ARHGAP26: variants seen among roughly 807,000 people sequenced by gnomAD.
The protein encoded by ARHGAP26 is rho GTPase-activating protein 26.
Under a neutral mutation model 104.8 loss-of-function variants are expected in ARHGAP26, and 38 were observed. The observed-to-expected ratio is 0.36, with a 90% CI of 0.28 to 0.48. ARHGAP26 has a LOEUF of 0.48. ARHGAP26 is among the 20% of genes least tolerant of loss of function. The pLI, the probability that ARHGAP26 is intolerant of heterozygous loss-of-function variation, is 0.99. For missense variants in ARHGAP26, 704 were observed against 947.9 expected (o/e 0.74, Z 3.38); for synonymous variants, 341 against 340.0 (o/e 1.00, Z -0.03).
intron 11 of ARHGAP26, among the ~76,000 whole-genome samples, chr5:143,010,347 C>G (rs1778566285): frequency 6.6e-6 from 1 of 152,168 alleles, no homozygotes; most frequent in Non-Finnish European, 1.5e-5. Context: ...CACTCTGGGT[C>G]TCAGGTTCCA....
intron 18 of ARHGAP26, among the ~76,000 whole-genome samples, chr5:143,128,995 A>G (rs1270860204): frequency 6.6e-6 from 1 of 152,224 alleles, no homozygotes; most frequent in Admixed American, 6.5e-5. Context: ...TTGCAGGCGC[A>G]TGTGACAGAT....
intron 13 of ARHGAP26, among the ~76,000 whole-genome samples, chr5:143,039,880 G>A (rs754177193): frequency 1.9e-4 from 29 of 152,190 alleles, no homozygotes; most frequent in Non-Finnish European, 4.1e-4. Flanking sequence ...TGGAAATGAT[G>A]TATTTTAACT....
At chr5:142,902,143 G>T in intron 7 of ARHGAP26, 104 bp downstream of exon 7, 1 of 980,802 alleles carries the variant, frequency 1.0e-6, no homozygotes, top group South Asian at 1.6e-5. Flanking sequence ...TGTAGGTGAG[G>T]AGGGTGGGTC....
chr5:143,063,376 G>A (rs1215317329), intron 17 of ARHGAP26, among the ~76,000 whole-genome samples: 1 of 152,156 alleles, frequency 6.6e-6, no homozygotes, highest in East Asian at 1.9e-4. Flanking sequence ...TCCACAGAGT[G>A]CATGTTGTGC....
At chr5:143,149,137 C>T (rs1010753514) in intron 20 of ARHGAP26, among the ~76,000 whole-genome samples, 1 of 152,034 alleles carries the variant, frequency 6.6e-6, no homozygotes, top group Non-Finnish European at 1.5e-5. Context: ...ATCGCTCTGC[C>T]CACTTCACAC....
chr5:143,184,571 A>T (rs1804866897), intron 20 of ARHGAP26, among the ~76,000 whole-genome samples: 1 of 152,210 alleles, frequency 6.6e-6, no homozygotes, highest in Non-Finnish European at 1.5e-5. Flanking sequence ...GACTGGGGGA[A>T]GCCAGTAATT....
At chr5:142,894,152 C>A (rs967707865) in intron 5 of ARHGAP26, 86 bp from the exon 6 acceptor site, 36 of 1,048,342 alleles carry the variant, frequency 3.4e-5, no homozygotes, top group East Asian at 5.0e-5. Flanking sequence ...AATTATCTCC[C>A]GAGATTTTTT....
intron 17 of ARHGAP26, among the ~76,000 whole-genome samples, chr5:143,061,982 T>G (rs1786780259): frequency 1.3e-5 from 2 of 152,206 alleles, no homozygotes; most frequent in African/African-American, 4.8e-5. Context: ...ATGATTATTT[T>G]CCACCCAACA....
chr5:142,957,934 G>A (rs1271650806), intron 11 of ARHGAP26, among the ~76,000 whole-genome samples: 1 of 152,264 alleles, frequency 6.6e-6, no homozygotes. Context: ...ATAAGCCTTT[G>A]AGAGATGCTG....
At chr5:143,138,043 G>C (rs1382682291) in intron 19 of ARHGAP26, among the ~76,000 whole-genome samples, 1 of 152,216 alleles carries the variant, frequency 6.6e-6, no homozygotes, top group Non-Finnish European at 1.5e-5. Flanking sequence ...TTTGCCAGAA[G>C]GGGTTTTTCC....
intron 1 of ARHGAP26, among the ~76,000 whole-genome samples, chr5:142,801,150 C>T (rs1762006590): frequency 6.6e-6 from 1 of 152,164 alleles, no homozygotes; most frequent in Non-Finnish European, 1.5e-5. Flanking sequence ...TTCTTTTTAA[C>T]ATTTTTTCTG....
At chr5:142,949,514 TTA>T (rs2152591516) in intron 11 of ARHGAP26, among the ~76,000 whole-genome samples, 1 of 152,284 alleles carries the variant, frequency 6.6e-6, no homozygotes, top group East Asian at 1.9e-4. Context: ...CAGATCAATT[TTA>T]CCCAGAAGGT....
intron 11 of ARHGAP26, among the ~76,000 whole-genome samples, chr5:142,987,125 G>A (rs935477090): frequency 2.0e-5 from 3 of 152,184 alleles, no homozygotes; most frequent in Non-Finnish European, 4.4e-5. Flanking sequence ...TCCTATCCAT[G>A]AGCATAGAAT....
intron 22 of ARHGAP26, among the ~76,000 whole-genome samples, chr5:143,214,448 C>A (rs903350125): frequency 3.9e-5 from 6 of 152,218 alleles, no homozygotes; most frequent in Non-Finnish European, 8.8e-5. Context: ...TAAGCATTCA[C>A]TAAATTAATA....
At chr5:142,839,004 T>C (rs1770182619) in intron 1 of ARHGAP26, among the ~76,000 whole-genome samples, 1 of 152,198 alleles carries the variant, frequency 6.6e-6, no homozygotes, top group South Asian at 2.1e-4. Flanking sequence ...ACCTGGGAAG[T>C]AGTAGTGTTG....
At chr5:143,139,241 G>A (rs1183345053) in intron 19 of ARHGAP26, among the ~76,000 whole-genome samples, 1 of 152,176 alleles carries the variant, frequency 6.6e-6, no homozygotes, top group Non-Finnish European at 1.5e-5. Flanking sequence ...CTACTTATGT[G>A]CCTACTAACC....
Position 142,890,167 on chromosome 5 carries a change from T to A in ARHGAP26, c.487-4071T>A, listed in dbSNP as rs1465582084. Among the ~76,000 whole-genome samples the A allele has an allele frequency of 2.5e-3, 211 of 83,108 alleles. 3 individuals carry two copies. Among genetic ancestry groups the A allele is most frequent in the African/African-American group, 7.4e-3 (135 of 18,320 alleles). The allele number at this position is 83,108 out of a possible 152,430, so 54.5% of individuals were successfully genotyped here. ...AAAAAAAAAAATATATATATATATA[T>A]ATATATATATATATATATATATATA... On this transcript the variant is annotated intron_variant, in intron 5 of 22. Coordinates refer to ENST00000645722, the MANE Select transcript of ARHGAP26 (RefSeq NM_001135608.3).
chr5:143,089,867 G>A (rs1248990572), intron 17 of ARHGAP26, among the ~76,000 whole-genome samples: 1 of 152,208 alleles, frequency 6.6e-6, no homozygotes, highest in Non-Finnish European at 1.5e-5. Context: ...GCTTCACGAT[G>A]TCTTATTTTT....
In ARHGAP26 at chr5:143,228,856, G is replaced by T. The variant is rs1256191822; in HGVS notation, c.*6410G>T. 5 of 189,740 alleles carry T rather than the reference G, an allele frequency of 2.6e-5. No individual in the cohort carries two copies. The highest frequency in any genetic ancestry group is 6.2e-5 in the Admixed American group (1 of 16,232). The allele number at this position is 189,740 out of a possible 1,614,324, so 11.8% of individuals were successfully genotyped here. On this transcript the variant is annotated 3_prime_UTR_variant, in exon 23 of 23. Coordinates refer to ENST00000645722, the MANE Select transcript of ARHGAP26 (RefSeq NM_001135608.3). ...GTTCAGGCTTTTAAAAAATGCTTTT[G>T]TGTCACCAAATATATCTATAAAGAA...
Sources: gnomAD v4.1 joint callset for allele counts (sites outside exome capture counted in the v4.1 genomes callset) on GRCh38, gnomAD v4.1.1 for gene constraint, MANE v1.5 for transcripts, NCBI Gene and HGNC (gene_info 2026-07-23, HGNC 2026-07-21) for gene names.